The following HMGCLL1 variants were observed in gnomAD, a reference collection of about 807,000 sequenced individuals.
HMGCLL1 encodes 3-hydroxymethyl-3-methylglutaryl-CoA lyase, cytoplasmic.
In HMGCLL1, 36 loss-of-function variants were observed where a neutral mutation model predicts 39.1. The observed-to-expected ratio is 0.92, with a 90% confidence interval of 0.71 to 1.22. The LOEUF (loss-of-function observed/expected upper bound fraction) is 1.22, where lower values mean the gene tolerates loss of function less well. HMGCLL1 is among the 50% of genes most tolerant of loss of function. The pLI is 0.00. For synonymous variants in HMGCLL1, 149 were observed against 144.0 expected (o/e 1.03, Z -0.25); for missense variants, 451 against 416.5 (o/e 1.08, Z -0.72).
chr6:55,514,624 A>G (rs968184328), intron 4 of HMGCLL1, among the ~76,000 whole-genome samples: 1 of 152,088 alleles, frequency 6.6e-6, no homozygotes, highest in African/African-American at 2.4e-5. Context: ...CTACAATCCA[A>G]CAGAAAAATA....
upstream of HMGCLL1, among the ~76,000 whole-genome samples, chr6:55,579,574 C>A (rs1409505477): frequency 6.6e-6 from 1 of 152,226 alleles, no homozygotes; most frequent in Middle Eastern, 3.4e-3. Flanking sequence ...TAACAATAAG[C>A]TCTATTTAAA....
At chr6:55,639,887 T>C in the HMGCLL1 span, among the ~76,000 whole-genome samples, 3 of 151,944 alleles carry the variant, frequency 2.0e-5, no homozygotes, top group Non-Finnish European at 4.4e-5. Flanking sequence ...AAGACCAGCC[T>C]GGCCAACATG....
chr6:55,518,995 C>T (rs866708358), intron 3 of HMGCLL1, among the ~76,000 whole-genome samples: 12 of 152,076 alleles, frequency 7.9e-5, no homozygotes, highest in African/African-American at 1.4e-4. Context: ...GAAAGACGGA[C>T]GGTTGCGTAA....
the HMGCLL1 span, among the ~76,000 whole-genome samples, chr6:55,624,846 G>T: frequency 6.6e-6 from 1 of 152,100 alleles, no homozygotes; most frequent in Non-Finnish European, 1.5e-5. Context: ...GGGCTTATTT[G>T]GATCTTGAAG....
the HMGCLL1 span, among the ~76,000 whole-genome samples, chr6:55,608,560 A>C: frequency 6.6e-6 from 1 of 152,324 alleles, no homozygotes; most frequent in East Asian, 1.9e-4. Context: ...TAAAAATAGC[A>C]GCAAAATAAA....
At chr6:55,467,039 A>G (rs1434719328) in intron 7 of HMGCLL1, among the ~76,000 whole-genome samples, 1 of 152,044 alleles carries the variant, frequency 6.6e-6, no homozygotes, top group African/African-American at 2.4e-5. Context: ...TCAACAACAT[A>G]AAATTTCTTG....
intron 1 of HMGCLL1, among the ~76,000 whole-genome samples, chr6:55,561,812 T>C (rs998819131): frequency 1.3e-5 from 2 of 152,144 alleles, no homozygotes; most frequent in Non-Finnish European, 2.9e-5. Flanking sequence ...TTTCATTTTA[T>C]TTCATTTCAT....
At chr6:55,508,105 C>A (rs1767260314) in intron 5 of HMGCLL1, among the ~76,000 whole-genome samples, 1 of 151,708 alleles carries the variant, frequency 6.6e-6, no homozygotes, top group South Asian at 2.1e-4. Flanking sequence ...TCTTCCAGCC[C>A]TAGTTTAAAG....
At chr6:55,556,732 A>G (rs1271839584) in intron 1 of HMGCLL1, among the ~76,000 whole-genome samples, 2 of 152,140 alleles carry the variant, frequency 1.3e-5, no homozygotes, top group African/African-American at 2.4e-5. Flanking sequence ...GTTCATAGAA[A>G]TAATCTAGAC....
the HMGCLL1 span, among the ~76,000 whole-genome samples, chr6:55,625,011 G>A: frequency 6.6e-6 from 1 of 152,116 alleles, no homozygotes. Context: ...ACATGACCCA[G>A]CAGATCGAAT....
intron 1 of HMGCLL1, among the ~76,000 whole-genome samples, chr6:55,559,810 A>T (rs1257891963): frequency 6.6e-6 from 1 of 152,170 alleles, no homozygotes; most frequent in Non-Finnish European, 1.5e-5. Flanking sequence ...AGAGAAGAAC[A>T]CTGGCTTCCA....
At chr6:55,629,987 C>T in the HMGCLL1 span, among the ~76,000 whole-genome samples, 90 of 152,292 alleles carry the variant, frequency 5.9e-4, no homozygotes, top group African/African-American at 2.0e-3. Flanking sequence ...GTCAGAGTCC[C>T]CACACAGTGT....
In HMGCLL1 at chr6:55,509,239, C is replaced by G. The variant is rs150012141; in HGVS notation, c.542+4809G>C. 4.0e-3 allele frequency among the ~76,000 whole-genome samples: 612 copies of G among 152,016 alleles called. 7 individuals carry two copies. Among genetic ancestry groups the G allele is most frequent in the African/African-American group, 0.014 (575 of 41,518 alleles). ...TTGAACAATAGAATTTGGAAAGGAA[C>G]TTCTGTGGGCAGCTTCTTGCTGCCC... is the stretch of plus-strand genomic sequence containing the variant. On this transcript the variant is annotated intron_variant, in intron 5 of 8. Coordinates refer to ENST00000274901, the MANE Select transcript of HMGCLL1 (RefSeq NM_001042406.2).
At chr6:55,572,597 TA>T (rs1380278075) in intron 1 of HMGCLL1, among the ~76,000 whole-genome samples, 1 of 152,168 alleles carries the variant, frequency 6.6e-6, no homozygotes, top group Non-Finnish European at 1.5e-5. Flanking sequence ...ATAATCTTTT[TA>T]TTCTTTCTTT....
chr6:55,525,948 C>G (rs1386105099), intron 3 of HMGCLL1, among the ~76,000 whole-genome samples: 2 of 151,858 alleles, frequency 1.3e-5, no homozygotes, highest in African/African-American at 4.8e-5. Flanking sequence ...GTGGTCAGGT[C>G]ACACTAATCC....
intron 7 of HMGCLL1, among the ~76,000 whole-genome samples, chr6:55,452,353 A>C (rs1218466408): frequency 6.6e-6 from 1 of 152,214 alleles, no homozygotes; most frequent in Admixed American, 6.5e-5. Flanking sequence ...TCTTTATAAG[A>C]GGTGAGATGT....
At chr6:55,634,872 G>T in the HMGCLL1 span, among the ~76,000 whole-genome samples, 5 of 151,984 alleles carry the variant, frequency 3.3e-5, no homozygotes, top group African/African-American at 9.7e-5. Flanking sequence ...ATGGAAAATC[G>T]TACTCTATAA....
the HMGCLL1 span, among the ~76,000 whole-genome samples, chr6:55,661,468 A>G: frequency 5.9e-5 from 9 of 151,462 alleles, no homozygotes; most frequent in African/African-American, 2.2e-4. Flanking sequence ...TCATTGAATG[A>G]GTTCTTTCCC....
intron 1 of HMGCLL1, among the ~76,000 whole-genome samples, chr6:55,549,816 A>G (rs1297607781): frequency 1.3e-5 from 2 of 151,980 alleles, no homozygotes; most frequent in Non-Finnish European, 2.9e-5. Flanking sequence ...CAAATTGGGA[A>G]ATCACATCAG....
Sources: allele counts gnomAD v4.1 joint callset (sites outside exome capture counted in the v4.1 genomes callset), GRCh38; gene constraint gnomAD v4.1.1; transcripts MANE v1.5; gene names NCBI Gene and HGNC (gene_info 2026-07-23, HGNC 2026-07-21).